Variants in NBPF11 observed in about 807,000 individuals in gnomAD.
The protein encoded by NBPF11 is NBPF member 11, also known as NBPF family member NBPF11.
In NBPF11, 72 loss-of-function variants were observed where a neutral mutation model predicts 93.9. The ratio of observed to expected loss-of-function variants is 0.77; its 90% CI spans 0.63 to 0.93. NBPF11 has a LOEUF of 0.93. Ranked by LOEUF, NBPF11 falls within the 40% of genes least tolerant of loss-of-function variation. The pLI, the probability that NBPF11 is intolerant of heterozygous loss-of-function variation, is 0.00. For synonymous variants in NBPF11, 224 were observed against 304.9 expected (o/e 0.73, Z 2.76); for missense variants, 705 against 802.2 (o/e 0.88, Z 1.46).
Position 148,124,924 on chromosome 1 carries a change from G to T in NBPF11, c.253C>A (p.Gln85Lys). ...RQFKEEKLAE[Q>K]LKQAEELRQY... ...CTGAGCTCCTCAGCTTGCTTGAGCTGCTCTGCAAGCTTCTCCTCCTTGAAC... is the reference window on the plus strand; with the variant it reads ...CTGAGCTCCTCAGCTTGCTTGAGCTTCTCTGCAAGCTTCTCCTCCTTGAAC... The change falls in exon 6 of 24, where the codon CAG becomes AAG. Residue 85 changes from glutamine (Q) to lysine (K), a missense_variant. Transcript: ENST00000682118. 3 of 1,610,000 alleles carry T rather than the reference G, an allele frequency of 1.9e-6. No homozygotes were observed. The highest frequency in any genetic ancestry group is 1.7e-5 in the Admixed American group (1 of 60,026).
At chr1:148,132,155 T>A (rs1399099526) in intron 4 of NBPF11, among the ~76,000 whole-genome samples, 1 of 150,342 alleles carries the variant, frequency 6.7e-6, no homozygotes, top group Non-Finnish European at 1.5e-5. Flanking sequence ...TATATATATA[T>A]ATATATATTC....
chr1:148,103,752 G>A lies in NBPF11; in HGVS notation c.*144C>T. 2 of 1,611,788 alleles carry A rather than the reference G, an allele frequency of 1.2e-6. No homozygotes were observed. The highest frequency in any genetic ancestry group is 1.7e-6 in the Non-Finnish European group (2 of 1,179,422). On this transcript the variant is annotated 3_prime_UTR_variant, in exon 24 of 24. Coordinates refer to ENST00000682118, the MANE Select transcript of NBPF11 (RefSeq NM_001385469.3). ...GTAAAAAACCTATTGTCCATGTCAA[G>A]GGCAAAGCTGATGTGCTGTTCCTCA...
chr1:148,151,438 C>T (rs1648296345), intron 1 of NBPF11, among the ~76,000 whole-genome samples: 1 of 152,044 alleles, frequency 6.6e-6, no homozygotes, highest in Admixed American at 6.5e-5. Flanking sequence ...TCAGTGTGCT[C>T]CACAGGACTT....
intron 15 of NBPF11, among the ~76,000 whole-genome samples, chr1:148,112,423 A>G (rs1279343620): frequency 6.6e-3 from 768 of 116,128 alleles, no homozygotes; most frequent in East Asian, 0.017. Context: ...TTGTCCTTGC[A>G]ATAGTTTGCT....
intron 17 of NBPF11, 65 bp from the exon 18 acceptor site, chr1:148,108,719 G>T: frequency 1.3e-6 from 1 of 785,548 alleles, no homozygotes; most frequent in Non-Finnish European, 2.3e-6. Context: ...GCCCCAGCTA[G>T]ATTTCATGGC....
At chr1:148,117,203 C>A (rs1344936031) in intron 12 of NBPF11, among the ~76,000 whole-genome samples, 26 of 151,586 alleles carry the variant, frequency 1.7e-4, no homozygotes, top group Middle Eastern at 6.8e-3. Context: ...CATTCACTCA[C>A]CGACAGTTAC....
rs1354034843 is a variant in NBPF11 at position 148,151,595 on chromosome 1, CCCCGGCGGAG to C, written c.-549+145_-549+154del. The C allele has an allele frequency of 6.6e-5, 10 of 152,068 alleles. 1 individual carries two copies. Among genetic ancestry groups the C allele is most frequent in the African/African-American group, 2.4e-4 (10 of 41,286 alleles). The allele number at this position is 152,068 out of a possible 1,614,324, so 9.4% of individuals were successfully genotyped here. A position where few individuals can be genotyped will look rare whatever the true frequency, so the allele number is the denominator to read the frequency against. ...AGGAATCAAGCGCAGGGAACTTAGG[CCCCGGCGGAG>C]CCCTGCGGAGCCCGGCAGTGCCCGG... is the stretch of plus-strand genomic sequence containing the variant. On this transcript the variant is annotated intron_variant, in intron 1 of 23. Transcript: ENST00000682118.
Position 148,125,557 on chromosome 1 carries a change from C to T in NBPF11, c.176-556G>A, listed in dbSNP as rs1308664941. Reference sequence around the variant, plus strand: ...ACAATAAGGCCATGAAGAAAATATGCCCAAATACTTTATTAGTATGAGAGG... The same window carrying T: ...ACAATAAGGCCATGAAGAAAATATGTCCAAATACTTTATTAGTATGAGAGG... On this transcript the variant is annotated intron_variant, in intron 5 of 23. Coordinates refer to ENST00000682118, the MANE Select transcript of NBPF11 (RefSeq NM_001385469.3). Among the ~76,000 whole-genome samples the T allele has an allele frequency of 1.6e-4, 24 of 151,988 alleles. 1 individual carries two copies. Among genetic ancestry groups the T allele is most frequent in the Non-Finnish European group, 2.8e-4 (19 of 68,004 alleles).
At chr1:148,145,086 G>A (rs1255242199) in intron 1 of NBPF11, among the ~76,000 whole-genome samples, 1 of 145,868 alleles carries the variant, frequency 6.9e-6, no homozygotes, top group Non-Finnish European at 1.5e-5. Flanking sequence ...CTGGGCAACA[G>A]AGTAAGACCC....
rs28455645 is a variant in NBPF11 at position 148,120,488 on chromosome 1, A to G, written c.988+13T>C. ...GTTCATCACTTTCGTGATGGTGAGC[A>G]TATAGATCTTACTGTATTTGTTCTG... On this transcript the variant is annotated intron_variant, in intron 10 of 23. Transcript: ENST00000682118. 16 of 901,768 alleles carry G rather than the reference A, an allele frequency of 1.8e-5. No homozygotes were observed. The highest frequency in any genetic ancestry group is 3.4e-5 in the Admixed American group (2 of 59,188). The allele number at this position is 901,768 out of a possible 1,614,324, so 55.9% of individuals were successfully genotyped here.
chr1:148,126,027 G>A (rs1669028402), intron 5 of NBPF11, among the ~76,000 whole-genome samples: 1 of 151,776 alleles, frequency 6.6e-6, no homozygotes, highest in Admixed American at 6.6e-5. Flanking sequence ...TTTTTGACGA[G>A]TCTTGCCCTG....
chr1:148,108,797 A>T (rs1207047905), intron 17 of NBPF11, 143 bp from the exon 18 acceptor site: 1 of 637,004 alleles, frequency 1.6e-6, no homozygotes. Context: ...TATTGCCTTT[A>T]TGTTGGGATA....
At position 148,135,774 on chromosome 1, in the gene NBPF11, G is replaced by A; in HGVS notation, c.-138C>T. 1 of 715,612 alleles carries A rather than the reference G, an allele frequency of 1.4e-6. No individual in the cohort carries two copies. The highest frequency in any genetic ancestry group is 2.4e-6 in the Non-Finnish European group (1 of 409,196). 44.3% of individuals were successfully genotyped at this position (715,612 alleles called of 1,614,324 possible). A position where few individuals can be genotyped will look rare whatever the true frequency, so the allele number is the denominator to read the frequency against. On this transcript the variant is annotated 5_prime_UTR_variant, in exon 4 of 24. Coordinates refer to ENST00000682118, the MANE Select transcript of NBPF11 (RefSeq NM_001385469.3). ...CTTAGCAAGATCTGAGTTTCTCCAGGTATGATATTATTTTGTTTGACCATC... is the reference window on the plus strand; with the variant it reads ...CTTAGCAAGATCTGAGTTTCTCCAGATATGATATTATTTTGTTTGACCATC...
rs1432958442 is a variant in NBPF11, at chr1:148,121,264, G to A, written c.779-554C>T. Among the ~76,000 whole-genome samples the A allele has an allele frequency of 3.3e-5, 5 of 151,498 alleles. No individual in the cohort carries two copies. The East Asian group carries it at 5.8e-4, about 18-fold the overall frequency. On this transcript the variant is annotated intron_variant, in intron 9 of 23. Coordinates refer to ENST00000682118, the MANE Select transcript of NBPF11 (RefSeq NM_001385469.3). ...TCGCCATCTTGGACAGGCTGGTTTC[G>A]AACTCCTGAGCTCAGGTGTTCCGCC...
At chr1:148,132,153 T>C (rs1403550597) in intron 4 of NBPF11, among the ~76,000 whole-genome samples, 5 of 150,328 alleles carry the variant, frequency 3.3e-5, no homozygotes, top group African/African-American at 1.2e-4. Context: ...TGTATATATA[T>C]ATATATATAT....
At chr1:148,109,383 T>G in intron 16 of NBPF11, 48 bp from the exon 17 acceptor site, 1 of 918,032 alleles carries the variant, frequency 1.1e-6, no homozygotes, top group Non-Finnish European at 1.8e-6. Context: ...AGTTCTTCCT[T>G]GCACACAGAA....
Position 148,143,221 on chromosome 1 carries a change from G to A in NBPF11, c.-277+194C>T, listed in dbSNP as rs1445238657. ...GTAAAATCACTTTCACCCGACCATG[G>A]CACTGCAAGTCCAGGGCGGCACACG... On this transcript the variant is annotated intron_variant, in intron 2 of 23. Coordinates refer to ENST00000682118, the MANE Select transcript of NBPF11 (RefSeq NM_001385469.3). Among the ~76,000 whole-genome samples the A allele has an allele frequency of 2.6e-4, 40 of 152,106 alleles. 2 individuals are homozygous for A. Among genetic ancestry groups the A allele is most frequent in the African/African-American group, 8.9e-4 (37 of 41,378 alleles).
chr1:148,108,842 G>C lies in NBPF11; in HGVS notation c.1854-188C>G, dbSNP rs1349605278. The stretch of plus-strand genomic sequence containing the variant: ...CAGGTAGAAAAGGATGAAAGAGAAA[G>C]ACACACACACACACACACACACACA... On this transcript the variant is annotated intron_variant, in intron 17 of 23. Transcript: ENST00000682118. Among the ~76,000 whole-genome samples, 11 of 112,890 alleles carry C rather than the reference G, an allele frequency of 9.7e-5. No homozygotes were observed. The South Asian group carries it at 3.1e-3, about 32-fold the overall frequency. 74.1% of individuals were successfully genotyped at this position (112,890 alleles called of 152,430 possible).
Position 148,113,035 on chromosome 1 carries a change from T to C in NBPF11, c.1637+1402A>G, listed in dbSNP as rs1279207327. ...AAAACATGCCAAACTCTAAAGACCATTGACGCTAGGAAGAAACTGCATCAA... is the reference window on the plus strand; with the variant it reads ...AAAACATGCCAAACTCTAAAGACCACTGACGCTAGGAAGAAACTGCATCAA... On this transcript the variant is annotated intron_variant, in intron 15 of 23. Transcript: ENST00000682118. 1.1e-4 allele frequency among the ~76,000 whole-genome samples: 17 copies of C among 151,886 alleles called. 1 individual carries two copies. The highest frequency in any genetic ancestry group is 3.2e-4 in the African/African-American group (13 of 41,206).
Sources: gnomAD v4.1 joint callset for allele counts (sites outside exome capture counted in the v4.1 genomes callset) on GRCh38, gnomAD v4.1.1 for gene constraint, MANE v1.5 for transcripts, NCBI Gene and HGNC (gene_info 2026-07-23, HGNC 2026-07-21) for gene names.